GALNT9: variants seen among roughly 807,000 people sequenced by gnomAD.
GALNT9 encodes polypeptide N-acetylgalactosaminyltransferase 9, also known as GalNAc transferase 9.
GALNT9 carries 47 observed loss-of-function variants against 63.1 expected under a neutral mutation model. The ratio of observed to expected loss-of-function variants is 0.75; its 90% CI spans 0.59 to 0.95. GALNT9 has a LOEUF of 0.95. GALNT9 is among the 40% of genes least tolerant of loss of function. The probability of loss-of-function intolerance (pLI) is 0.00; values close to 1 mark genes in which losing one functional copy is unlikely to be tolerated. For missense variants in GALNT9, 829 were observed against 874.8 expected (o/e 0.95, Z 0.66); for synonymous variants, 396 against 365.7 (o/e 1.08, Z -0.94).
chr12:132,283,798 G>C (rs1880462197), intron 2 of GALNT9: 1 of 152,284 alleles, frequency 6.6e-6, no homozygotes, highest in Non-Finnish European at 1.5e-5. Flanking sequence ...GCCTCTCCTG[G>C]GCCCTGCCTG....
intron 1 of GALNT9, among the ~76,000 whole-genome samples, chr12:132,323,698 C>T (rs556323355): frequency 1.2e-3 from 186 of 152,388 alleles, no homozygotes; most frequent in African/African-American, 4.1e-3. Flanking sequence ...CGTCCAGTAG[C>T]CACGAACCAG....
Position 132,238,223 on chromosome 12 carries a change from G to A in GALNT9, c.1077+9687C>T, listed in dbSNP as rs1241751251. ...GGACCCAGGAGAGAGGGGAGAGAGGGGGCGTCATCCCAGAGCCCATGAGGG... is the reference window on the plus strand; with the variant it reads ...GGACCCAGGAGAGAGGGGAGAGAGGAGGCGTCATCCCAGAGCCCATGAGGG... On this transcript the variant is annotated intron_variant, in intron 6 of 10. Coordinates refer to ENST00000328957, the MANE Select transcript of GALNT9 (RefSeq NM_001122636.2). This position sits in a 1 kb window ranked among gnomAD's most constrained non-coding sequence, Gnocchi z 6.5. Among the ~76,000 whole-genome samples the A allele has an allele frequency of 6.6e-6, 1 of 152,126 alleles. No individual in the cohort carries two copies. Among genetic ancestry groups the A allele is most frequent in the East Asian group, 1.9e-4 (1 of 5,176 alleles).
chr12:132,247,154 G>T (rs181346058), intron 6 of GALNT9, among the ~76,000 whole-genome samples: 2 of 149,248 alleles, frequency 1.3e-5, no homozygotes, highest in African/African-American at 2.5e-5. Flanking sequence ...ACACGGACAC[G>T]GTCCCGGGAG....
chr12:132,202,376 G>A (rs566077670), intron 7 of GALNT9, among the ~76,000 whole-genome samples: 1 of 152,302 alleles, frequency 6.6e-6, no homozygotes, highest in South Asian at 2.1e-4. Context: ...ACGTGTCTAC[G>A]GCTCCTGATC....
intron 6 of GALNT9, among the ~76,000 whole-genome samples, chr12:132,244,817 T>G (rs1878615059): frequency 8.2e-6 from 1 of 121,648 alleles, no homozygotes; most frequent in African/African-American, 3.3e-5. Context: ...AGCATGGTGA[T>G]GGAGTTGGAC....
At chr12:132,239,256 TGAGA>T (rs1489008289) in intron 6 of GALNT9, among the ~76,000 whole-genome samples, 2 of 140,328 alleles carry the variant, frequency 1.4e-5, no homozygotes, top group African/African-American at 2.7e-5. Context: ...ACTGAGAGAC[TGAGA>T]GACAGAGAGA....
At chr12:132,305,301 C>T (rs1376656179) in intron 1 of GALNT9, among the ~76,000 whole-genome samples, 1 of 60,576 alleles carries the variant, frequency 1.7e-5, no homozygotes, top group Admixed American at 1.7e-4. Context: ...ACGCCCTCAC[C>T]GGGGCACACC....
chr12:132,291,084 G>C (rs1265634754), intron 1 of GALNT9, among the ~76,000 whole-genome samples: 1 of 55,042 alleles, frequency 1.8e-5, no homozygotes. Context: ...CAGCACCCAC[G>C]TCCACATCAC....
chr12:132,292,516 C>T (rs1555242885), intron 1 of GALNT9, among the ~76,000 whole-genome samples: 3 of 152,240 alleles, frequency 2.0e-5, no homozygotes, highest in Non-Finnish European at 2.9e-5. Context: ...GGTCTCCACA[C>T]AAAACGGAGC....
rs1473506512 is a variant in GALNT9, at chr12:132,236,991, T to C, written c.1077+10919A>G. Among the ~76,000 whole-genome samples, 2 of 152,162 alleles carry C rather than the reference T, an allele frequency of 1.3e-5. No individual in the cohort carries two copies. The highest frequency in any genetic ancestry group is 4.8e-5 in the African/African-American group (2 of 41,422). ...TCTGGTAACCCTCGTATCCTGGATC[T>C]CTCCGGGTGCTCCATGGCCCATGGG... On this transcript the variant is annotated intron_variant, in intron 6 of 10. Coordinates refer to ENST00000328957, the MANE Select transcript of GALNT9 (RefSeq NM_001122636.2). This position sits in a 1 kb window ranked among gnomAD's most constrained non-coding sequence, Gnocchi z 5.6.
At chr12:132,197,498 C>T (rs1034896487) in intron 10 of GALNT9, among the ~76,000 whole-genome samples, 1 of 152,202 alleles carries the variant, frequency 6.6e-6, no homozygotes, top group Non-Finnish European at 1.5e-5. Context: ...TCATCCCCTT[C>T]CTAAATCCTC....
chr12:132,211,099 G>T (rs562871150), intron 6 of GALNT9, among the ~76,000 whole-genome samples: 7 of 152,246 alleles, frequency 4.6e-5, no homozygotes, highest in African/African-American at 1.4e-4. Context: ...CACAACCAAC[G>T]CTTCACAAGC....
Position 132,240,692 on chromosome 12 carries a change from T to G in GALNT9, c.1077+7218A>C, listed in dbSNP as rs1555236902. 5 of 455,882 alleles carry G rather than the reference T, an allele frequency of 1.1e-5. No individual in the cohort carries two copies. In the Admixed American group the frequency reaches 1.2e-4, roughly 11 times the overall value. 28.2% of individuals were successfully genotyped at this position (455,882 alleles called of 1,614,324 possible). A position where few individuals can be genotyped will look rare whatever the true frequency, so the allele number is the denominator to read the frequency against. On this transcript the variant is annotated intron_variant, in intron 6 of 10. Transcript: ENST00000328957. ...GTTTTTCTTCCTCTTTTATTCTGTT[T>G]ATAATTTACCTTATCTTGCTGGAAC...
chr12:132,289,656 G>A (rs765146910), intron 1 of GALNT9, among the ~76,000 whole-genome samples: 1 of 152,216 alleles, frequency 6.6e-6, no homozygotes, highest in Non-Finnish European at 1.5e-5. Context: ...GCTTCCTTGC[G>A]GAGGAAGTGA....
intron 1 of GALNT9, among the ~76,000 whole-genome samples, chr12:132,300,575 G>A (rs868995391): frequency 2.2e-4 from 16 of 73,788 alleles, no homozygotes; most frequent in Middle Eastern, 0.016. Flanking sequence ...CACACCTAAC[G>A]CACCCCTGAG....
intron 6 of GALNT9, among the ~76,000 whole-genome samples, chr12:132,220,950 G>A (rs980451587): frequency 1.5e-4 from 22 of 150,970 alleles, no homozygotes; most frequent in Admixed American, 9.3e-4. Context: ...CCAGGTACTC[G>A]GGAGGCTGAG....
chr12:132,266,832 G>A (rs942510835), intron 2 of GALNT9, among the ~76,000 whole-genome samples: 5 of 152,074 alleles, frequency 3.3e-5, no homozygotes, highest in Non-Finnish European at 7.4e-5. Flanking sequence ...GCATTGCTGC[G>A]TGGGCCACCA....
chr12:132,289,761 G>A (rs782365424), intron 1 of GALNT9, among the ~76,000 whole-genome samples: 4 of 152,326 alleles, frequency 2.6e-5, no homozygotes, highest in Middle Eastern at 3.4e-3. Context: ...CCTCACTGCT[G>A]CGTCTGTGCT....
chr12:132,276,061 C>T (rs911229063), intron 2 of GALNT9, among the ~76,000 whole-genome samples: 2 of 152,254 alleles, frequency 1.3e-5, no homozygotes, highest in Non-Finnish European at 2.9e-5. Flanking sequence ...AGCCACAGGG[C>T]AGGAACCTCA....
Sources: allele counts gnomAD v4.1 joint callset (sites outside exome capture counted in the v4.1 genomes callset), GRCh38; gene constraint gnomAD v4.1.1; non-coding constraint Gnocchi (gnomAD v3.1); transcripts MANE v1.5; gene names NCBI Gene and HGNC (gene_info 2026-07-23, HGNC 2026-07-21).